Variants in OR7C1 observed in about 807,000 individuals in gnomAD.
OR7C1 encodes the protein olfactory receptor family 7 subfamily C member 1.
For synonymous variants in OR7C1, 152 were observed against 160.7 expected (o/e 0.95, Z 0.41); for missense variants, 324 against 383.3 (o/e 0.85, Z 1.29).
intron 2 of OR7C1, among the ~76,000 whole-genome samples, chr19:14,805,535 C>T (rs532900839): frequency 2.7e-5 from 4 of 150,784 alleles, no homozygotes; most frequent in East Asian, 1.9e-4. Context: ...CCTGCCTCAG[C>T]CTCCTGAGTA....
chr19:14,799,549 G>A (rs909197442), exon 5 of OR7C1: 12 of 1,614,044 alleles, frequency 7.4e-6, no homozygotes, highest in African/African-American at 6.7e-5. Context: ...ATATCACCAC[G>A]TTATTAATGA....
Position 14,826,244 on chromosome 19 carries a change from T to C in OR7C1, c.-623+8830A>G, listed in dbSNP as rs371105130. On this transcript the variant is annotated intron_variant, in intron 1 of 4. Transcript: ENST00000641666. ...ATGACTGGGGAGAAGCTCAAGGTTT[T>C]GTGTGAGTCATTCTTTAATCATGAG... The C allele has an allele frequency of 6.6e-5, 10 of 152,284 alleles. No homozygotes were observed. The East Asian group carries it at 1.9e-3, about 29-fold the overall frequency. The allele number at this position is 152,284 out of a possible 1,614,324, so 9.4% of individuals were successfully genotyped here.
At chr19:14,831,227 A>T (rs922197968) in intron 1 of OR7C1, among the ~76,000 whole-genome samples, 7 of 152,242 alleles carry the variant, frequency 4.6e-5, no homozygotes, top group African/African-American at 1.7e-4. Flanking sequence ...TAATAGAAAA[A>T]TGGAGCAAAG....
At chr19:14,805,408 T>A (rs1349316901) in intron 2 of OR7C1, among the ~76,000 whole-genome samples, 3 of 84,408 alleles carry the variant, frequency 3.6e-5, no homozygotes, top group African/African-American at 1.7e-4. Flanking sequence ...GGAAAATAAT[T>A]TTTTTTTTTT....
At chr19:14,816,070 C>A (rs1477823679) in intron 1 of OR7C1, among the ~76,000 whole-genome samples, 1 of 152,092 alleles carries the variant, frequency 6.6e-6, no homozygotes, top group African/African-American at 2.4e-5. Context: ...AGTAATCCAC[C>A]CCACTTGGCC....
At chr19:14,801,456 TA>T (rs761586541) in intron 2 of OR7C1, among the ~76,000 whole-genome samples, 40 of 152,316 alleles carry the variant, frequency 2.6e-4, no homozygotes, top group Middle Eastern at 3.4e-3. Flanking sequence ...CATTATGCTT[TA>T]AAAAAATATT....
intron 1 of OR7C1, among the ~76,000 whole-genome samples, chr19:14,816,384 T>A (rs1159744057): frequency 1.3e-5 from 2 of 152,256 alleles, no homozygotes; most frequent in East Asian, 3.9e-4. Context: ...TCAATCCGTG[T>A]GGGCACCATC....
chr19:14,814,516 C>T (rs909084917), intron 1 of OR7C1, among the ~76,000 whole-genome samples: 4 of 152,070 alleles, frequency 2.6e-5, no homozygotes, highest in South Asian at 2.1e-4. Flanking sequence ...CTCCACCTCC[C>T]GGGTTCAAGA....
At chr19:14,799,509 A>G (rs16979912) in exon 5 of OR7C1, 336,551 of 1,613,902 alleles carry the variant, frequency 0.21, 38,092 homozygotes, top group African/African-American at 0.42. Flanking sequence ...CCAGTGAAGG[A>G]AATCACACCC....
chr19:14,807,826 G>A (rs777813729), intron 2 of OR7C1, among the ~76,000 whole-genome samples: 15 of 151,584 alleles, frequency 9.9e-5, no homozygotes, highest in Non-Finnish European at 1.5e-4. Flanking sequence ...AACCCAGGAG[G>A]CGGAGCTTGC....
At chr19:14,809,436 A>G (rs1315122131) in intron 2 of OR7C1, among the ~76,000 whole-genome samples, 1 of 152,056 alleles carries the variant, frequency 6.6e-6, no homozygotes, top group Non-Finnish European at 1.5e-5. Context: ...TGAAAGCAAG[A>G]AGAAACAGTA....
intron 2 of OR7C1, among the ~76,000 whole-genome samples, chr19:14,806,101 C>T (rs956037809): frequency 6.6e-6 from 1 of 151,890 alleles, no homozygotes; most frequent in African/African-American, 2.4e-5. Context: ...ATGAGATGTG[C>T]TTTAACTCAA....
chr19:14,817,710 A>G (rs1468645036), intron 1 of OR7C1, among the ~76,000 whole-genome samples: 5 of 152,212 alleles, frequency 3.3e-5, no homozygotes, highest in Non-Finnish European at 5.9e-5. Flanking sequence ...TTCATAATCA[A>G]TCTATTTAGT....
At chr19:14,807,140 G>A (rs1227868481) in intron 2 of OR7C1, among the ~76,000 whole-genome samples, 2 of 151,890 alleles carry the variant, frequency 1.3e-5, no homozygotes, top group East Asian at 3.8e-4. Context: ...GATCAGTGAT[G>A]TTGAGCTTTT....
At position 14,828,632 on chromosome 19, in the gene OR7C1, G is replaced by A. The variant is rs1031120972; in HGVS notation, c.-623+6442C>T. On this transcript the variant is annotated intron_variant, in intron 1 of 4. Coordinates refer to ENST00000641666, the Ensembl canonical transcript of OR7C1. Reference sequence around the variant, plus strand: ...AAATTAGCCTGGTGTAGTGGCATGCGCCTGTAGTCCCAGCTACTTGGGAGG... The same window carrying A: ...AAATTAGCCTGGTGTAGTGGCATGCACCTGTAGTCCCAGCTACTTGGGAGG... Among the ~76,000 whole-genome samples the A allele has an allele frequency of 2.6e-5, 4 of 151,834 alleles. No individual in the cohort carries two copies. The Middle Eastern group carries it at 0.01, about 387-fold the overall frequency.
chr19:14,831,512 T>C (rs1332130958), intron 1 of OR7C1, among the ~76,000 whole-genome samples: 1 of 152,078 alleles, frequency 6.6e-6, no homozygotes, highest in Admixed American at 6.5e-5. Context: ...TGGTGCAATA[T>C]TGGCTCACTG....
chr19:14,833,405 G>T (rs1374964354), intron 1 of OR7C1, among the ~76,000 whole-genome samples: 1 of 152,232 alleles, frequency 6.6e-6, no homozygotes, highest in African/African-American at 2.4e-5. Flanking sequence ...CTTGGATCCA[G>T]GAAGCGAAGG....
chr19:14,808,099 T>TAA (rs35454647), intron 2 of OR7C1, among the ~76,000 whole-genome samples: 4 of 135,366 alleles, frequency 3.0e-5, no homozygotes, highest in South Asian at 2.4e-4. Context: ...TTTAAAGAAA[T>TAA]AAAAAAAAAA....
chr19:14,818,062 T>TTTTATTTAATTTA (rs1555695182), intron 1 of OR7C1, among the ~76,000 whole-genome samples: 4 of 139,460 alleles, frequency 2.9e-5, no homozygotes, highest in African/African-American at 1.1e-4. Flanking sequence ...ATTTTATTTA[T>TTTTATTTAATTTA]TTTATTTATT....
Sources: allele counts gnomAD v4.1 joint callset (sites outside exome capture counted in the v4.1 genomes callset), GRCh38; gene constraint gnomAD v4.1.1; transcripts MANE v1.5; gene names NCBI Gene and HGNC (gene_info 2026-07-23, HGNC 2026-07-21).